The following KRABD5 variants were observed in gnomAD, a reference collection of about 807,000 sequenced individuals.
The protein encoded by KRABD5 is KRAB domain-containing protein 5.
chr16:31,714,781 A>G, the KRABD5 span, among the ~76,000 whole-genome samples: 1 of 152,202 alleles, frequency 6.6e-6, no homozygotes, highest in Non-Finnish European at 1.5e-5. Context: ...TCTGGAAAGC[A>G]GGGGATTCAC....
At chr16:31,736,954 T>C in the KRABD5 span, among the ~76,000 whole-genome samples, 1 of 152,262 alleles carries the variant, frequency 6.6e-6, no homozygotes, top group Non-Finnish European at 1.5e-5. Context: ...TATTGCTGGG[T>C]ATGTTAATTT....
chr16:31,747,877 A>C, the KRABD5 span, among the ~76,000 whole-genome samples: 134 of 152,224 alleles, frequency 8.8e-4, no homozygotes, highest in African/African-American at 3.2e-3. Context: ...TTCATTGTAG[A>C]TTCTGGATAT....
chr16:31,744,907 T>C, the KRABD5 span, among the ~76,000 whole-genome samples: 1 of 152,176 alleles, frequency 6.6e-6, no homozygotes, highest in Non-Finnish European at 1.5e-5. Flanking sequence ...CTAGTTTACT[T>C]GTGTAGAGAT....
chr16:31,748,992 G>A, the KRABD5 span, among the ~76,000 whole-genome samples: 29 of 152,194 alleles, frequency 1.9e-4, no homozygotes, highest in Non-Finnish European at 3.4e-4. Flanking sequence ...CTTGGTGGAG[G>A]TAGTGTGCTT....
chr16:31,724,818 T>C, the KRABD5 span, among the ~76,000 whole-genome samples: 2 of 152,238 alleles, frequency 1.3e-5, no homozygotes, highest in African/African-American at 4.8e-5. Flanking sequence ...AATGAAAGTT[T>C]GTACTCTTTG....
chr16:31,732,560 G>A, the KRABD5 span, among the ~76,000 whole-genome samples: 1 of 152,142 alleles, frequency 6.6e-6, no homozygotes, highest in African/African-American at 2.4e-5. Context: ...TTTAAATGAT[G>A]TATAATGTAA....
the KRABD5 span, among the ~76,000 whole-genome samples, chr16:31,736,081 T>C: frequency 1.3e-5 from 2 of 152,214 alleles, no homozygotes; most frequent in Non-Finnish European, 2.9e-5. Flanking sequence ...TTGTATATGA[T>C]GAGGGTTAGG....
the KRABD5 span, among the ~76,000 whole-genome samples, chr16:31,731,576 G>A: frequency 6.6e-6 from 1 of 152,222 alleles, no homozygotes; most frequent in African/African-American, 2.4e-5. Flanking sequence ...TCATAGGGGT[G>A]CTGCAGGATA....
the KRABD5 span, chr16:31,759,218 T>C: frequency 6.7e-6 from 6 of 898,950 alleles, no homozygotes; most frequent in Non-Finnish European, 9.8e-6. Context: ...AATGAACTAA[T>C]TGTATAGCTT....
the KRABD5 span, chr16:31,755,276 A>T: frequency 2.0e-6 from 1 of 500,938 alleles, no homozygotes; most frequent in African/African-American, 2.0e-5. Flanking sequence ...CCACCAGAGA[A>T]TTCATACTGG....
the KRABD5 span, among the ~76,000 whole-genome samples, chr16:31,720,107 G>A: frequency 1.3e-5 from 2 of 152,230 alleles, no homozygotes; most frequent in African/African-American, 4.8e-5. Flanking sequence ...TGCCAGCACA[G>A]TGCATACTGT....
the KRABD5 span, chr16:31,756,931 GTTGATTTAT>G: frequency 1.3e-5 from 2 of 152,196 alleles, no homozygotes; most frequent in Non-Finnish European, 2.9e-5. Flanking sequence ...CTGGAGAACT[GTTGATTTAT>G]TACAGTTCTC....
the KRABD5 span, among the ~76,000 whole-genome samples, chr16:31,732,104 T>C: frequency 2.7e-4 from 41 of 152,216 alleles, 1 homozygote; most frequent in Non-Finnish European, 4.6e-4. Context: ...TACAGTCAGA[T>C]ATAGCAATTT....
chr16:31,726,966 T>A, the KRABD5 span, among the ~76,000 whole-genome samples: 4 of 152,174 alleles, frequency 2.6e-5, no homozygotes, highest in Admixed American at 1.3e-4. Context: ...TTCATCACTG[T>A]CTTACAGATT....
the KRABD5 span, among the ~76,000 whole-genome samples, chr16:31,736,173 T>A: frequency 6.6e-6 from 1 of 152,164 alleles, no homozygotes; most frequent in Non-Finnish European, 1.5e-5. Flanking sequence ...CCCCAAAGTG[T>A]GTTCTTGGCA....
the KRABD5 span, among the ~76,000 whole-genome samples, chr16:31,743,334 G>A: frequency 6.6e-6 from 1 of 151,610 alleles, no homozygotes; most frequent in Non-Finnish European, 1.5e-5. Flanking sequence ...TCTGTTTTCT[G>A]CATATGGCTA....
chr16:31,734,752 CTT>C, the KRABD5 span, among the ~76,000 whole-genome samples: 1 of 142,390 alleles, frequency 7.0e-6, no homozygotes. Context: ...TTTTCTTTTT[CTT>C]TTTTTTTTTT....
chr16:31,714,967 G>A, the KRABD5 span, among the ~76,000 whole-genome samples: 1 of 152,348 alleles, frequency 6.6e-6, no homozygotes, highest in African/African-American at 2.4e-5. Flanking sequence ...CCAACTGTAA[G>A]ATATTTGTGG....
chr16:31,747,424 A>G, the KRABD5 span, among the ~76,000 whole-genome samples: 14 of 152,244 alleles, frequency 9.2e-5, no homozygotes, highest in East Asian at 2.7e-3. Flanking sequence ...AGTCTTTGCT[A>G]TTGTGAATGC....
Sources: gnomAD v4.1 joint callset for allele counts (sites outside exome capture counted in the v4.1 genomes callset) on GRCh38, gnomAD v4.1.1 for gene constraint, MANE v1.5 for transcripts, NCBI Gene and HGNC (gene_info 2026-07-23, HGNC 2026-07-21) for gene names.